LRP1B: variants seen among roughly 807,000 people sequenced by gnomAD.
The protein encoded by LRP1B is low-density lipoprotein receptor-related protein 1B.
A neutral mutation model predicts 556.6 loss-of-function variants in LRP1B; 217 were observed. The ratio of observed to expected loss-of-function variants is 0.39; its 90% confidence interval spans 0.35 to 0.44. LRP1B has a LOEUF of 0.44. LRP1B is among the 20% of genes least tolerant of loss of function. The pLI, the probability that LRP1B is intolerant of heterozygous loss-of-function variation, is 1.00. For missense variants in LRP1B, 5,053 were observed against 5,620.8 expected (o/e 0.90, Z 3.23); for synonymous variants, 2,047 against 1,865.8 (o/e 1.10, Z -2.50).
At chr2:140,993,304 G>A (rs1573960684) in intron 16 of LRP1B, among the ~76,000 whole-genome samples, 1 of 152,016 alleles carries the variant, frequency 6.6e-6, no homozygotes, top group East Asian at 1.9e-4. Context: ...AAATCACTTA[G>A]CCAGTGACTC....
At chr2:141,009,559 A>G (rs1697680314) in intron 14 of LRP1B, among the ~76,000 whole-genome samples, 1 of 152,000 alleles carries the variant, frequency 6.6e-6, no homozygotes, top group Admixed American at 6.6e-5. Flanking sequence ...ATATAAAAAG[A>G]AAGAAAAATG....
chr2:141,695,827 A>G (rs532352121), intron 2 of LRP1B, among the ~76,000 whole-genome samples: 1 of 152,110 alleles, frequency 6.6e-6, no homozygotes, highest in East Asian at 1.9e-4. Context: ...TTACTGTCAA[A>G]TTCTACCAGA....
At chr2:140,471,396 G>A (rs1418791733) in intron 60 of LRP1B, among the ~76,000 whole-genome samples, 2 of 152,058 alleles carry the variant, frequency 1.3e-5, no homozygotes, top group African/African-American at 4.8e-5. Context: ...ATCTAAATTA[G>A]GAGTAGTTTG....
At chr2:141,585,299 G>T (rs1687097792) in intron 2 of LRP1B, among the ~76,000 whole-genome samples, 1 of 151,950 alleles carries the variant, frequency 6.6e-6, no homozygotes, top group Non-Finnish European at 1.5e-5. Context: ...TAAGTATGTT[G>T]CCCTTTAATT....
chr2:141,472,343 C>T (rs75975326), intron 3 of LRP1B, among the ~76,000 whole-genome samples: 66,788 of 151,830 alleles, frequency 0.44, 15,001 homozygotes, highest in Non-Finnish European at 0.49. Context: ...GTCAGGAGTT[C>T]GAGACCAGCC....
intron 6 of LRP1B, among the ~76,000 whole-genome samples, chr2:141,228,030 G>A (rs1164310391): frequency 2.6e-5 from 4 of 152,004 alleles, no homozygotes; most frequent in African/African-American, 9.7e-5. Flanking sequence ...GGGTTCAAGC[G>A]ATTCTTCTGG....
At chr2:142,088,192 A>G (rs1365079738) in intron 1 of LRP1B, among the ~76,000 whole-genome samples, 1 of 152,162 alleles carries the variant, frequency 6.6e-6, no homozygotes, top group African/African-American at 2.4e-5. Context: ...ATTTTGCATA[A>G]AGGATATCAG....
chr2:142,005,307 G>A (rs975986766), intron 1 of LRP1B, among the ~76,000 whole-genome samples: 10 of 151,902 alleles, frequency 6.6e-5, no homozygotes, highest in African/African-American at 2.4e-4. Flanking sequence ...AAGCTAACAA[G>A]CCCTTGGAAA....
At chr2:141,047,199 T>C (rs981222950) in intron 11 of LRP1B, among the ~76,000 whole-genome samples, 2 of 152,028 alleles carry the variant, frequency 1.3e-5, no homozygotes, top group African/African-American at 2.4e-5. Flanking sequence ...TGCTATCACA[T>C]TAAGAGAAAA....
chr2:140,285,210 T>C (rs528435244), intron 84 of LRP1B, among the ~76,000 whole-genome samples: 2 of 150,812 alleles, frequency 1.3e-5, no homozygotes, highest in East Asian at 3.9e-4. Flanking sequence ...TGGATATCTA[T>C]GGATAGAGAT....
At chr2:140,894,588 A>G (rs1368852291) in intron 23 of LRP1B, among the ~76,000 whole-genome samples, 2 of 152,160 alleles carry the variant, frequency 1.3e-5, no homozygotes, top group Non-Finnish European at 2.9e-5. Context: ...GAGAAGAGAA[A>G]GGGTACATTT....
intron 2 of LRP1B, among the ~76,000 whole-genome samples, chr2:141,623,457 C>T (rs1203026538): frequency 6.6e-6 from 1 of 152,118 alleles, no homozygotes; most frequent in Non-Finnish European, 1.5e-5. Flanking sequence ...ACACCTTTGT[C>T]TTTTTCTCAT....
intron 32 of LRP1B, among the ~76,000 whole-genome samples, chr2:140,799,768 G>A (rs771494787): frequency 7.2e-5 from 11 of 152,210 alleles, no homozygotes; most frequent in South Asian, 4.1e-4. Flanking sequence ...AGTTTGCTGC[G>A]GACGAAGAGG....
At chr2:140,798,238 A>G (rs1477479844) in intron 32 of LRP1B, among the ~76,000 whole-genome samples, 1 of 152,182 alleles carries the variant, frequency 6.6e-6, no homozygotes, top group African/African-American at 2.4e-5. Context: ...CACTTGATAA[A>G]TTGTTGAATC....
chr2:140,546,772 C>G (rs1680356430), intron 43 of LRP1B, among the ~76,000 whole-genome samples: 1 of 152,096 alleles, frequency 6.6e-6, no homozygotes, highest in Non-Finnish European at 1.5e-5. Context: ...CAGCTTTTGC[C>G]TATTCAGTAT....
chr2:142,053,452 T>C (rs1483901161), intron 1 of LRP1B, among the ~76,000 whole-genome samples: 1 of 152,106 alleles, frequency 6.6e-6, no homozygotes, highest in Non-Finnish European at 1.5e-5. Flanking sequence ...CTATCATTTT[T>C]ATGTTAATGG....
In LRP1B at chr2:141,009,838, G is replaced by A. The variant is rs543568496; in HGVS notation, c.2380+3718C>T. Among the ~76,000 whole-genome samples, 12 of 151,944 alleles carry A rather than the reference G, an allele frequency of 7.9e-5. No homozygotes were observed. In the East Asian group the frequency reaches 2.1e-3, roughly 27 times the overall value. Reference sequence around the variant, plus strand: ...TTTTCTTCTATCTAAAAGTATAGTAGATATAAAATTTTGAGAAATTAAATT... The same window carrying A: ...TTTTCTTCTATCTAAAAGTATAGTAAATATAAAATTTTGAGAAATTAAATT... On this transcript the variant is annotated intron_variant, in intron 14 of 90. Coordinates refer to ENST00000389484, the MANE Select transcript of LRP1B (RefSeq NM_018557.3).
chr2:141,646,329 A>C (rs140281571), intron 2 of LRP1B, among the ~76,000 whole-genome samples: 11 of 152,264 alleles, frequency 7.2e-5, no homozygotes, highest in Non-Finnish European at 1.6e-4. Flanking sequence ...TAATTTATGA[A>C]ATAAAATTTA....
At chr2:141,510,883 C>A (rs1384034093) in intron 2 of LRP1B, among the ~76,000 whole-genome samples, 1 of 10,684 alleles carries the variant, frequency 9.4e-5, no homozygotes, top group African/African-American at 1.4e-4. Context: ...TCTAAACACA[C>A]ACACACACAC....
Sources: gnomAD v4.1 joint callset for allele counts (sites outside exome capture counted in the v4.1 genomes callset) on GRCh38, gnomAD v4.1.1 for gene constraint, MANE v1.5 for transcripts, NCBI Gene and HGNC (gene_info 2026-07-23, HGNC 2026-07-21) for gene names.